Variants in IFT140 observed in about 807,000 individuals in gnomAD.
IFT140 encodes the protein intraflagellar transport 140, also known as intraflagellar transport protein 140 homolog.
A neutral mutation model predicts 164.6 loss-of-function variants in IFT140; 133 were observed. That is an observed-to-expected ratio of 0.81 (90% CI 0.70 to 0.93). The LOEUF is 0.93. Ranked by LOEUF, IFT140 falls within the 40% of genes least tolerant of loss-of-function variation. IFT140 has a pLI of 0.00. For synonymous variants in IFT140, 860 were observed against 817.3 expected (o/e 1.05, Z -0.89); for missense variants, 2,045 against 1,972.3 (o/e 1.04, Z -0.70).
At chr16:1,596,065 AAAAC>A (rs761158836) in intron 4 of IFT140, among the ~76,000 whole-genome samples, 19 of 152,212 alleles carry the variant, frequency 1.2e-4, no homozygotes, top group South Asian at 8.3e-4. Flanking sequence ...AAAACAAACA[AAAAC>A]AAACAAACAA....
At position 1,571,540 on chromosome 16, in the gene IFT140, G is replaced by A. The variant is rs946640074; in HGVS notation, c.1525-6C>T. The A allele has an allele frequency of 6.2e-7, 1 of 1,608,140 alleles. No individual in the cohort carries two copies. Among genetic ancestry groups the A allele is most frequent in the Non-Finnish European group, 8.5e-7 (1 of 1,178,120 alleles). Reference sequence around the variant, plus strand: ...AGGAGTTGTTTGACAGTCCCCTGAGGAAAAGGAACAAGAAATGGATATATT... The same window carrying A: ...AGGAGTTGTTTGACAGTCCCCTGAGAAAAAGGAACAAGAAATGGATATATT... On this transcript the variant is annotated splice_polypyrimidine_tract_variant and splice_region_variant and intron_variant, in intron 13 of 30. Coordinates refer to ENST00000426508, the MANE Select transcript of IFT140 (RefSeq NM_014714.4).
chr16:1,556,485 A>G (rs892393642), intron 19 of IFT140, among the ~76,000 whole-genome samples: 1 of 152,248 alleles, frequency 6.6e-6, no homozygotes, highest in Non-Finnish European at 1.5e-5. Context: ...GGGCCGGGCC[A>G]TCAGGCCACC....
chr16:1,511,544 T>C (rs1459103374), intron 30 of IFT140, among the ~76,000 whole-genome samples: 1 of 150,592 alleles, frequency 6.6e-6, no homozygotes, highest in Non-Finnish European at 1.5e-5. Flanking sequence ...TATGTCAGAG[T>C]GGAGGGCAGG....
rs145332941 is a variant in IFT140 at position 1,540,705 on chromosome 16, C to T, written c.2400-13909G>A. ...CGCTCCTGAGTGGTGAGGCTGCTTC[C>T]CTCTTAGATTCCTGCATCAGTTACC... On this transcript the variant is annotated intron_variant, in intron 19 of 30. Transcript: ENST00000426508. 7.5e-4 allele frequency: 338 copies of T among 449,146 alleles called. 2 individuals are homozygous for T. The Middle Eastern group carries it at 0.011, about 14-fold the overall frequency. 27.8% of individuals were successfully genotyped at this position (449,146 alleles called of 1,614,324 possible).
intron 13 of IFT140, among the ~76,000 whole-genome samples, chr16:1,571,744 G>A (rs978013858): frequency 2.6e-5 from 4 of 152,194 alleles, no homozygotes; most frequent in African/African-American, 2.4e-5. Context: ...CTAGTGCTGC[G>A]GGGGAAGGAC....
intron 16 of IFT140, among the ~76,000 whole-genome samples, chr16:1,565,481 G>A (rs1482057939): frequency 6.6e-6 from 1 of 152,046 alleles, no homozygotes; most frequent in Non-Finnish European, 1.5e-5. Flanking sequence ...GAAGGGGTGT[G>A]TCTGATGGTG....
At position 1,560,761 on chromosome 16, in the gene IFT140, A is replaced by G. The variant is rs543658498; in HGVS notation, c.2199+1224T>C. 2.6e-5 allele frequency among the ~76,000 whole-genome samples: 4 copies of G among 152,320 alleles called. No homozygotes were observed. The South Asian group carries it at 8.3e-4, about 32-fold the overall frequency. On this transcript the variant is annotated intron_variant, in intron 18 of 30. Coordinates refer to ENST00000426508, the MANE Select transcript of IFT140 (RefSeq NM_014714.4). ...ACACAGGCTTACTGAAGAAAATTAG[A>G]AAAGTACAGAGTTCATTCTTAACAT...
intron 19 of IFT140, among the ~76,000 whole-genome samples, chr16:1,543,010 G>C (rs1353383937): frequency 6.6e-6 from 1 of 152,246 alleles, no homozygotes; most frequent in Non-Finnish European, 1.5e-5. Flanking sequence ...AGCGACCCCA[G>C]GGGGCTCTGC....
At chr16:1,585,260 C>T (rs933655727) in intron 10 of IFT140, among the ~76,000 whole-genome samples, 1 of 152,216 alleles carries the variant, frequency 6.6e-6, no homozygotes, top group Admixed American at 6.5e-5. Flanking sequence ...AGCATTGACA[C>T]AGGCTACAAT....
At chr16:1,517,674 C>A (rs1156412131) in intron 30 of IFT140, among the ~76,000 whole-genome samples, 1 of 152,168 alleles carries the variant, frequency 6.6e-6, no homozygotes, top group East Asian at 1.9e-4. Flanking sequence ...AAAAATGGAA[C>A]ACCATTTTCT....
intron 19 of IFT140, among the ~76,000 whole-genome samples, chr16:1,536,252 C>A (rs948340666): frequency 3.3e-5 from 5 of 152,366 alleles, no homozygotes; most frequent in Admixed American, 1.3e-4. Flanking sequence ...TGCGTTCCTC[C>A]AGTCACAGGG....
intron 19 of IFT140, 28 bp from the exon 20 acceptor site, chr16:1,526,824 T>G: frequency 6.3e-7 from 1 of 1,594,576 alleles, no homozygotes; most frequent in Non-Finnish European, 8.5e-7. Flanking sequence ...TCTGTGAGGC[T>G]CCTGCCCAGC....
In IFT140 at chr16:1,524,815, C is replaced by T. The variant is rs764492842; in HGVS notation, c.2966G>A (p.Arg989His). 6.8e-6 allele frequency: 11 copies of T among 1,611,650 alleles called. No individual in the cohort carries two copies. The highest frequency in any genetic ancestry group is 1.1e-5 in the South Asian group (1 of 91,044). The change falls in exon 23 of 31, where the codon CGC becomes CAC. Residue 989 changes from arginine (R) to histidine (H), a missense_variant. Physicochemically the swap from Arg to His is conservative, Grantham distance 29. Transcript: ENST00000426508. ...ELARDHFSLV[R>H]IHCFQGNVQK... ...GACATTGCCCTGGAAGCAGTGGATG[C>T]GGACCAGGGAGAAGTGGTCCCGGGC...
chr16:1,515,289 G>C (rs2040304602), intron 30 of IFT140, among the ~76,000 whole-genome samples: 1 of 152,154 alleles, frequency 6.6e-6, no homozygotes, highest in Non-Finnish European at 1.5e-5. Context: ...AGTGCAGTGG[G>C]AGATGGAGAG....
rs371341236 is a variant in IFT140 at position 1,584,208 on chromosome 16, G to A, written c.1359+9C>T. ...CTGTGTCCCACCCACGGGTCCCCTC[G>A]GCAGTCACCTTGGTGGCAAACACTC... is the stretch of plus-strand genomic sequence containing the variant. On this transcript the variant is annotated intron_variant, in intron 11 of 30. Coordinates refer to ENST00000426508, the MANE Select transcript of IFT140 (RefSeq NM_014714.4). The A allele has an allele frequency of 6.8e-6, 11 of 1,610,844 alleles. No homozygotes were observed. Among genetic ancestry groups the A allele is most frequent in the African/African-American group, 2.7e-5 (2 of 74,828 alleles).
chr16:1,526,043 C>T lies in IFT140; in HGVS notation c.2612G>A (p.Arg871His), dbSNP rs905240853. The part of the protein sequence containing the change: ...DAEQLYRKCK[R>H]HDLLNKFYQA... ...GTAGAACTTGTTCAGGAGGTCGTGG[C>T]GCTTGCACTTCCTGTACAGCTGCTC... is the stretch of plus-strand genomic sequence containing the variant. Residue 871 changes from arginine (R) to histidine (H), a missense_variant, in exon 21 of 31, where the codon CGC becomes CAC. By Grantham distance (29) the Arg-to-His change is conservative (BLOSUM62 0). Transcript: ENST00000426508. 2.4e-5 allele frequency: 39 copies of T among 1,599,642 alleles called. No individual in the cohort carries two copies. The highest frequency in any genetic ancestry group is 1.7e-4 in the Middle Eastern group (1 of 6,006).
intron 29 of IFT140, 65 bp downstream of exon 29, chr16:1,519,816 G>A (rs2040463993): frequency 7.0e-6 from 10 of 1,436,748 alleles, no homozygotes; most frequent in Admixed American, 2.6e-5. Flanking sequence ...GGGGTTTCTC[G>A]TGGTCAGCCC....
At chr16:1,546,584 A>C (rs1167518882) in intron 19 of IFT140, among the ~76,000 whole-genome samples, 2 of 152,140 alleles carry the variant, frequency 1.3e-5, no homozygotes, top group Non-Finnish European at 2.9e-5. Context: ...TTCAGGCCCG[A>C]GGCGCATCCC....
At chr16:1,584,682 A>G (rs1288505448) in intron 10 of IFT140, among the ~76,000 whole-genome samples, 1 of 152,200 alleles carries the variant, frequency 6.6e-6, no homozygotes, top group Non-Finnish European at 1.5e-5. Context: ...TCTGATGGGA[A>G]GAGCGTTTTC....
Sources: gnomAD v4.1 joint callset for allele counts (sites outside exome capture counted in the v4.1 genomes callset) on GRCh38, gnomAD v4.1.1 for gene constraint, MANE v1.5 for transcripts, NCBI Gene and HGNC (gene_info 2026-07-23, HGNC 2026-07-21) for gene names.